Variants in HIPK3 observed in about 807,000 individuals in gnomAD.
HIPK3 encodes the protein homeodomain interacting protein kinase 3.
HIPK3 carries 47 observed loss-of-function variants against 124.2 expected under a neutral mutation model. The observed-to-expected ratio is 0.38, with a 90% CI of 0.30 to 0.48. The LOEUF is 0.48. Ranked by LOEUF, HIPK3 falls within the 20% of genes least tolerant of loss-of-function variation. The probability of loss-of-function intolerance (pLI) is 0.98; values close to 1 mark genes in which losing one functional copy is unlikely to be tolerated. For synonymous variants in HIPK3, 482 were observed against 515.2 expected, an observed-to-expected ratio of 0.94 and a Z score of 0.87; for missense variants, 1,286 against 1,454.3, an observed-to-expected ratio of 0.88 and a Z score of 1.88.
intron 8 of HIPK3, among the ~76,000 whole-genome samples, chr11:33,346,915 G>A: frequency 6.6e-6 from 1 of 152,180 alleles, no homozygotes; most frequent in Non-Finnish European, 1.5e-5. Flanking sequence ...AGGGCTGGGT[G>A]TGGTGGCTCA....
chr11:33,325,700 G>T (rs554042033), intron 2 of HIPK3, among the ~76,000 whole-genome samples: 1 of 152,124 alleles, frequency 6.6e-6, no homozygotes, highest in Non-Finnish European at 1.5e-5. Context: ...AATGTTTACT[G>T]AATGCATATT....
chr11:33,337,522 A>T (rs1853189967), intron 4 of HIPK3, among the ~76,000 whole-genome samples: 3 of 151,060 alleles, frequency 2.0e-5, no homozygotes, highest in African/African-American at 7.3e-5. Context: ...TGCCCGGCTA[A>T]TTTTTATATT....
intron 2 of HIPK3, among the ~76,000 whole-genome samples, chr11:33,301,821 G>GACACACACACACACACAC (rs143389257): frequency 0.11 from 14,234 of 127,206 alleles, 1,139 homozygotes; most frequent in Middle Eastern, 0.15. Flanking sequence ...AACCCTGTCT[G>GACACACACACACACACAC]ACACACACAC....
chr11:33,265,527 A>C (rs1219854550), intron 1 of HIPK3, among the ~76,000 whole-genome samples: 1 of 152,052 alleles, frequency 6.6e-6, no homozygotes, highest in Admixed American at 6.5e-5. Context: ...TAATCCCAGC[A>C]CTTTGGGAGG....
intron 14 of HIPK3, 27 bp from the exon 15 acceptor site, chr11:33,351,581 C>T: frequency 1.3e-6 from 2 of 1,522,418 alleles, no homozygotes. Context: ...AAAAATATCA[C>T]TCATAAAAAA....
intron 16 of HIPK3, 99 bp from the exon 17 acceptor site, chr11:33,352,993 T>C (rs2134006105): frequency 1.4e-6 from 1 of 703,238 alleles, no homozygotes; most frequent in South Asian, 1.9e-5. Context: ...CACTATGAGT[T>C]ATCAATCACA....
At chr11:33,311,910 T>C (rs1261655640) in intron 2 of HIPK3, among the ~76,000 whole-genome samples, 1 of 114,292 alleles carries the variant, frequency 8.7e-6, no homozygotes, top group Non-Finnish European at 1.8e-5. Flanking sequence ...ACCCTGTTTC[T>C]ACACACACAC....
intron 1 of HIPK3, among the ~76,000 whole-genome samples, chr11:33,265,553 C>T (rs1405823223): frequency 2.0e-5 from 3 of 150,726 alleles, no homozygotes; most frequent in Non-Finnish European, 1.5e-5. Context: ...GTGTGTGGAT[C>T]GCTTGAGCAC....
chr11:33,344,051 G>A (rs1853422809), intron 8 of HIPK3, among the ~76,000 whole-genome samples: 1 of 152,110 alleles, frequency 6.6e-6, no homozygotes, highest in Admixed American at 6.5e-5. Context: ...CAAACATACA[G>A]AAAAATTGAA....
In HIPK3 at chr11:33,257,509, G is replaced by C; in HGVS notation, c.-383G>C. Reference sequence around the variant, plus strand: ...CTCCCGGCCGGGGCGTCAGGAATGGGCCCCAATCGCCGTGGGCCCCGCACC... The same window carrying C: ...CTCCCGGCCGGGGCGTCAGGAATGGCCCCCAATCGCCGTGGGCCCCGCACC... On this transcript the variant is annotated 5_prime_UTR_variant, in exon 1 of 17. Transcript: ENST00000303296. 1.0e-6 allele frequency: 1 copy of C among 985,722 alleles called. No individual in the cohort carries two copies. Among genetic ancestry groups the C allele is most frequent in the Non-Finnish European group, 1.2e-6 (1 of 830,258 alleles). The allele number at this position is 985,722 out of a possible 1,614,324, so 61.1% of individuals were successfully genotyped here. A position where few individuals can be genotyped will look rare whatever the true frequency, so the allele number is the denominator to read the frequency against.
At chr11:33,307,904 T>C (rs578144718) in intron 2 of HIPK3, among the ~76,000 whole-genome samples, 1 of 152,240 alleles carries the variant, frequency 6.6e-6, no homozygotes, top group South Asian at 2.1e-4. Flanking sequence ...GTCTTAATTT[T>C]AATAATTTTA....
Position 33,354,318 on chromosome 11 carries a change from GTC to G in HIPK3, c.*752_*753del, listed in dbSNP as rs1853757568. 1 of 152,580 alleles carries G rather than the reference GTC, an allele frequency of 6.6e-6. No homozygotes were observed. The highest frequency in any genetic ancestry group is 2.4e-5 in the African/African-American group (1 of 41,448). 9.5% of individuals were successfully genotyped at this position (152,580 alleles called of 1,614,324 possible). On this transcript the variant is annotated 3_prime_UTR_variant, in exon 17 of 17. Transcript: ENST00000303296. The stretch of plus-strand genomic sequence containing the variant: ...ATGTTTGCTATAGCTGAATTCTGCT[GTC>G]TGATTTTTCAGAATGATCTAGCTTC...
chr11:33,328,994 CG>C (rs1396057887), intron 3 of HIPK3, among the ~76,000 whole-genome samples: 1 of 152,110 alleles, frequency 6.6e-6, no homozygotes, highest in Admixed American at 6.5e-5. Flanking sequence ...TCCTAAAAGG[CG>C]TTATAACTTT....
intron 2 of HIPK3, among the ~76,000 whole-genome samples, chr11:33,320,042 T>A (rs1852618987): frequency 6.6e-6 from 1 of 152,198 alleles, no homozygotes; most frequent in South Asian, 2.1e-4. Flanking sequence ...GGAACTCTCT[T>A]CTCCCAGATA....
In HIPK3 at chr11:33,257,686, G is replaced by A. The variant is rs2133853452; in HGVS notation, c.-206G>A. The A allele has an allele frequency of 3.0e-6, 3 of 994,188 alleles. No individual in the cohort carries two copies. In the South Asian group the frequency reaches 1.3e-4, roughly 44 times the overall value. 61.6% of individuals were successfully genotyped at this position (994,188 alleles called of 1,614,324 possible). A position where few individuals can be genotyped will look rare whatever the true frequency, so the allele number is the denominator to read the frequency against. ...AGCCAGAGCAGCAGCAGCAGCAGCA[G>A]CGGTCGGGGGAGGGTGTTTCGCCGT... On this transcript the variant is annotated 5_prime_UTR_variant, in exon 1 of 17. Transcript: ENST00000303296.
chr11:33,261,136 A>AAATAT (rs58154515), intron 1 of HIPK3, among the ~76,000 whole-genome samples: 96,282 of 144,996 alleles, frequency 0.66, 32,265 homozygotes, highest in Non-Finnish European at 0.72. Flanking sequence ...TTATATATAA[A>AAATAT]ATATAAAATA....
chr11:33,297,171 G>A (rs1851864825), intron 2 of HIPK3, among the ~76,000 whole-genome samples: 1 of 146,750 alleles, frequency 6.8e-6, no homozygotes, highest in Non-Finnish European at 1.5e-5. Context: ...TTGGCTCACT[G>A]CAACCTCTGC....
chr11:33,299,098 C>T (rs532398260), intron 2 of HIPK3, among the ~76,000 whole-genome samples: 9 of 151,862 alleles, frequency 5.9e-5, no homozygotes, highest in Admixed American at 2.0e-4. Context: ...CTACCTGCCT[C>T]GGCCTCCCAA....
At position 33,291,751 on chromosome 11, in the gene HIPK3, A is replaced by G. The variant is rs1420901705; in HGVS notation, c.1097+4240A>G. 2.6e-5 allele frequency among the ~76,000 whole-genome samples: 4 copies of G among 152,144 alleles called. 1 individual carries two copies. In the South Asian group the frequency reaches 8.3e-4, roughly 32 times the overall value. On this transcript the variant is annotated intron_variant, in intron 2 of 16. Transcript: ENST00000303296. ...TTTCTTTTTCTTTCTTTCTTTTTAA[A>G]TATAGAATTTTAGCCTGCGATTCTA...
Sources: gnomAD v4.1 joint callset for allele counts (sites outside exome capture counted in the v4.1 genomes callset) on GRCh38, gnomAD v4.1.1 for gene constraint, MANE v1.5 for transcripts, NCBI Gene and HGNC (gene_info 2026-07-23, HGNC 2026-07-21) for gene names.